The following SHROOM4 variants were observed in gnomAD, a reference collection of about 807,000 sequenced individuals.
SHROOM4 encodes shroom family member 4, also known as protein Shroom4.
In SHROOM4, 17 loss-of-function variants were observed where a neutral mutation model predicts 80.3. The observed-to-expected ratio is 0.21, with a 90% CI of 0.14 to 0.32. SHROOM4 has a LOEUF of 0.32. Among genes scored for constraint, SHROOM4 ranks in the 10% least tolerant of loss-of-function variants. SHROOM4 has a pLI of 1.00. For synonymous variants in SHROOM4, 400 were observed against 437.5 expected (o/e 0.91, Z 1.07); for missense variants, 993 against 1,140.3 (o/e 0.87, Z 1.86).
At chrX:50,641,842 C>T (rs1443048145) in intron 2 of SHROOM4, among the ~76,000 whole-genome samples, 1 of 112,243 alleles carries the variant, frequency 8.9e-6, no homozygotes, top group Non-Finnish European at 1.9e-5. Flanking sequence ...GAACTCCTGA[C>T]CTCAGGTGAT....
intron 1 of SHROOM4, among the ~76,000 whole-genome samples, chrX:50,720,688 C>A (rs1405587475): frequency 1.3e-4 from 14 of 111,350 alleles, no homozygotes; most frequent in Non-Finnish European, 5.6e-5. Context: ...TGAGATCTGG[C>A]AACAAGAAGA....
chrX:50,681,165 G>T (rs1557261764), intron 2 of SHROOM4, among the ~76,000 whole-genome samples: 1 of 111,080 alleles, frequency 9.0e-6, no homozygotes, highest in African/African-American at 3.3e-5. Flanking sequence ...CTCCTAACAA[G>T]TTTTCCTGCT....
chrX:50,583,941 G>A (rs1436149104), downstream of SHROOM4, among the ~76,000 whole-genome samples: 4 of 112,171 alleles, frequency 3.6e-5, no homozygotes, highest in African/African-American at 1.3e-4. Flanking sequence ...GTTGTTTTAA[G>A]CTACTGAGTT....
chrX:50,693,444 G>A (rs1396906797), intron 2 of SHROOM4, among the ~76,000 whole-genome samples: 2 of 109,053 alleles, frequency 1.8e-5, no homozygotes, highest in East Asian at 5.8e-4. Context: ...GTACATGCCT[G>A]TAATCCAGTT....
intron 8 of SHROOM4, among the ~76,000 whole-genome samples, chrX:50,597,350 G>T (rs372191145): frequency 2.2e-4 from 25 of 111,888 alleles, no homozygotes; most frequent in African/African-American, 6.2e-4. Flanking sequence ...CTGTGTGAGT[G>T]GATATGTGTG....
intron 2 of SHROOM4, among the ~76,000 whole-genome samples, chrX:50,648,008 A>G (rs1557258156): frequency 8.9e-6 from 1 of 112,093 alleles, no homozygotes; most frequent in Admixed American, 9.5e-5. Flanking sequence ...ATTCTCAGTG[A>G]AATGGGAAGC....
intron 1 of SHROOM4, among the ~76,000 whole-genome samples, chrX:50,812,943 T>C (rs2147758141): frequency 9.0e-6 from 1 of 111,720 alleles, no homozygotes; most frequent in Non-Finnish European, 1.9e-5. Context: ...CTTGGCAATC[T>C]GGCACCTCAA....
intron 1 of SHROOM4, among the ~76,000 whole-genome samples, chrX:50,776,932 C>T (rs1209922881): frequency 9.0e-6 from 1 of 110,938 alleles, no homozygotes; most frequent in Non-Finnish European, 1.9e-5. Flanking sequence ...AATTGATCCT[C>T]CTGCCTCGGC....
chrX:50,606,936 T>C (rs1569546461), intron 6 of SHROOM4, among the ~76,000 whole-genome samples: 1 of 108,437 alleles, frequency 9.2e-6, no homozygotes, highest in Admixed American at 9.9e-5. Flanking sequence ...GCAGGTCAGG[T>C]TGTGAGCTGG....
intron 1 of SHROOM4, among the ~76,000 whole-genome samples, chrX:50,698,936 GC>G (rs1557263318): frequency 1.8e-5 from 2 of 112,002 alleles, no homozygotes; most frequent in African/African-American, 3.3e-5. Flanking sequence ...TCTGGCTGGG[GC>G]CCTGGAAAGG....
chrX:50,809,240 A>G (rs1936285739), intron 1 of SHROOM4, among the ~76,000 whole-genome samples: 1 of 111,780 alleles, frequency 8.9e-6, no homozygotes, highest in Admixed American at 9.5e-5. Flanking sequence ...AAGATTTCAC[A>G]GGAACTCTCA....
At chrX:50,776,958 G>A (rs1355186507) in intron 1 of SHROOM4, among the ~76,000 whole-genome samples, 2 of 111,244 alleles carry the variant, frequency 1.8e-5, no homozygotes, top group Admixed American at 9.6e-5. Context: ...AAAGTGCTAG[G>A]ATTACAGGTG....
intron 1 of SHROOM4, among the ~76,000 whole-genome samples, chrX:50,716,826 A>G (rs1933966610): frequency 8.9e-6 from 1 of 112,676 alleles, no homozygotes; most frequent in African/African-American, 3.2e-5. Flanking sequence ...ACTGGAGAAC[A>G]AAGTAATGAT....
intron 1 of SHROOM4, among the ~76,000 whole-genome samples, chrX:50,701,035 G>A (rs1557263508): frequency 9.0e-6 from 1 of 111,653 alleles, no homozygotes; most frequent in Non-Finnish European, 1.9e-5. Context: ...CCCTGACCTT[G>A]AGCCAACGGA....
At chrX:50,740,417 C>T (rs1163357782) in intron 1 of SHROOM4, among the ~76,000 whole-genome samples, 1 of 111,636 alleles carries the variant, frequency 9.0e-6, no homozygotes, top group African/African-American at 3.3e-5. Flanking sequence ...ATTACATGAA[C>T]ATCCAAACAA....
chrX:50,613,501 T>C (rs1245882987), intron 5 of SHROOM4, among the ~76,000 whole-genome samples: 4 of 112,385 alleles, frequency 3.6e-5, no homozygotes, highest in African/African-American at 9.7e-5. Context: ...AAATCATCTT[T>C]TCTACATAGA....
chrX:50,616,492 T>A (rs1930241697), intron 5 of SHROOM4, among the ~76,000 whole-genome samples: 1 of 111,907 alleles, frequency 8.9e-6, no homozygotes, highest in Non-Finnish European at 1.9e-5. Flanking sequence ...TTAATAAATA[T>A]ATTGCCAACA....
chrX:50,617,852 C>T (rs782779799), intron 5 of SHROOM4, among the ~76,000 whole-genome samples: 2 of 111,233 alleles, frequency 1.8e-5, no homozygotes, highest in Admixed American at 1.9e-4. Context: ...TGCAGAGTCA[C>T]TTATATCAAG....
chrX:50,721,882 G>A (rs1934120734), intron 1 of SHROOM4, among the ~76,000 whole-genome samples: 3 of 111,199 alleles, frequency 2.7e-5, no homozygotes. Context: ...GTCCTCTGGG[G>A]CCTCCTCATT....
Sources: allele counts gnomAD v4.1 joint callset (sites outside exome capture counted in the v4.1 genomes callset), GRCh38; gene constraint gnomAD v4.1.1; transcripts MANE v1.5; gene names NCBI Gene and HGNC (gene_info 2026-07-23, HGNC 2026-07-21).